Variants in KCNN3 observed in about 807,000 individuals in gnomAD.
KCNN3 encodes small conductance calcium-activated potassium channel protein 3.
Under a neutral mutation model 62.9 loss-of-function variants are expected in KCNN3, and 16 were observed. That is an observed-to-expected ratio of 0.25 (90% CI 0.17 to 0.39). The LOEUF is 0.39. Among genes scored for constraint, KCNN3 ranks in the 10% least tolerant of loss-of-function variants. The probability of loss-of-function intolerance (pLI) is 1.00; values close to 1 mark genes in which losing one functional copy is unlikely to be tolerated. For synonymous variants in KCNN3, 370 were observed against 389.2 expected (o/e 0.95, Z 0.58); for missense variants, 599 against 949.4 (o/e 0.63, Z 4.85).
chr1:154,860,398 C>T (rs1239177184), intron 1 of KCNN3, among the ~76,000 whole-genome samples: 3 of 152,106 alleles, frequency 2.0e-5, no homozygotes, highest in East Asian at 1.9e-4. Context: ...CCTGGCCCCA[C>T]GGGTTTATTT....
intron 3 of KCNN3, among the ~76,000 whole-genome samples, chr1:154,747,190 A>C (rs1700956070): frequency 6.6e-6 from 1 of 151,992 alleles, no homozygotes; most frequent in African/African-American, 2.4e-5. Flanking sequence ...AGCTCTCTCA[A>C]AACTGCCCTT....
At chr1:154,745,115 G>T (rs1409097340) in intron 3 of KCNN3, among the ~76,000 whole-genome samples, 1 of 152,158 alleles carries the variant, frequency 6.6e-6, no homozygotes, top group African/African-American at 2.4e-5. Flanking sequence ...TATTTTTCAA[G>T]AGTTGGCTTT....
chr1:154,714,230 G>GGGTGTGTAT (rs1700155197), intron 6 of KCNN3, among the ~76,000 whole-genome samples: 1 of 56,900 alleles, frequency 1.8e-5, no homozygotes, highest in African/African-American at 7.1e-5. Flanking sequence ...GGTGTGTGTG[G>GGGTGTGTAT]GGTGTGTGCG....
intron 2 of KCNN3, among the ~76,000 whole-genome samples, chr1:154,791,019 AGGAGTTCG>A (rs1356732248): frequency 6.6e-6 from 1 of 152,164 alleles, no homozygotes; most frequent in African/African-American, 2.4e-5. Flanking sequence ...ACCTGAGGTC[AGGAGTTCG>A]AGACCAGCCT....
intron 1 of KCNN3, among the ~76,000 whole-genome samples, chr1:154,863,748 C>T (rs913459411): frequency 2.0e-5 from 3 of 152,244 alleles, no homozygotes; most frequent in African/African-American, 7.2e-5. Context: ...CATCAGCCGC[C>T]TTTCTACTTA....
intron 1 of KCNN3, among the ~76,000 whole-genome samples, chr1:154,837,320 A>G (rs1387702664): frequency 1.3e-5 from 2 of 151,150 alleles, no homozygotes; most frequent in African/African-American, 4.9e-5. Flanking sequence ...TTTTTTTTGC[A>G]TTTTAGTAGA....
intron 3 of KCNN3, 110 bp downstream of exon 3, chr1:154,771,865 G>C (rs1366680519): frequency 1.9e-6 from 2 of 1,073,870 alleles, no homozygotes; most frequent in Non-Finnish European, 1.4e-6. Flanking sequence ...CAGGTGTCTG[G>C]GTACATGCCT....
chr1:154,839,134 A>G (rs1651721213), intron 1 of KCNN3, among the ~76,000 whole-genome samples: 2 of 152,194 alleles, frequency 1.3e-5, no homozygotes, highest in African/African-American at 4.8e-5. Flanking sequence ...CTGTGTAGCG[A>G]TGGCAAAGCA....
intron 5 of KCNN3, among the ~76,000 whole-genome samples, chr1:154,716,911 G>A (rs1480314268): frequency 6.6e-6 from 1 of 152,184 alleles, no homozygotes; most frequent in East Asian, 1.9e-4. Flanking sequence ...CCCTCCTCTT[G>A]CAGGGAGAGG....
intron 1 of KCNN3, among the ~76,000 whole-genome samples, chr1:154,849,010 C>A (rs576920557): frequency 2.0e-4 from 30 of 152,196 alleles, no homozygotes; most frequent in Non-Finnish European, 4.0e-4. Context: ...TTGGTACAGA[C>A]CTTTCCCCGA....
chr1:154,769,891 A>T (rs902609625), intron 3 of KCNN3, among the ~76,000 whole-genome samples: 1 of 152,216 alleles, frequency 6.6e-6, no homozygotes, highest in African/African-American at 2.4e-5. Flanking sequence ...ATTAACTTTC[A>T]CCATCATTGG....
At chr1:154,714,194 G>C in intron 6 of KCNN3, among the ~76,000 whole-genome samples, 1 of 106,308 alleles carries the variant, frequency 9.4e-6, no homozygotes, top group South Asian at 3.0e-4. Flanking sequence ...TGTGTGTGTG[G>C]TGTGTGTGTC....
At chr1:154,710,490 T>G (rs932949858) in intron 7 of KCNN3, among the ~76,000 whole-genome samples, 1 of 152,228 alleles carries the variant, frequency 6.6e-6, no homozygotes, top group Non-Finnish European at 1.5e-5. Flanking sequence ...TGCACACTCT[T>G]TCTTTCCAGG....
chr1:154,818,750 G>T (rs1650771966), intron 2 of KCNN3, among the ~76,000 whole-genome samples: 1 of 152,226 alleles, frequency 6.6e-6, no homozygotes, highest in African/African-American at 2.4e-5. Context: ...ATACATTTAT[G>T]TTCCTTATAA....
intron 1 of KCNN3, among the ~76,000 whole-genome samples, chr1:154,839,713 A>C (rs530593532): frequency 1.4e-4 from 22 of 152,152 alleles, no homozygotes; most frequent in Non-Finnish European, 2.6e-4. Flanking sequence ...AGAGCATCTG[A>C]GCCTTTCTAA....
intron 7 of KCNN3, among the ~76,000 whole-genome samples, chr1:154,708,949 G>A (rs1321224343): frequency 1.3e-5 from 2 of 152,096 alleles, no homozygotes; most frequent in African/African-American, 4.8e-5. Context: ...CTCAGGGTGG[G>A]ACATCCCTGA....
At chr1:154,812,402 TC>T (rs1650445633) in intron 2 of KCNN3, among the ~76,000 whole-genome samples, 1 of 151,670 alleles carries the variant, frequency 6.6e-6, no homozygotes, top group Non-Finnish European at 1.5e-5. Context: ...ACGCTATCCC[TC>T]CCCCATCCCC....
rs114749749 is a variant in KCNN3 at position 154,799,231 on chromosome 1, A to T, written c.1029+22858T>A. On this transcript the variant is annotated intron_variant, in intron 2 of 7. Coordinates refer to ENST00000271915, the MANE Select transcript of KCNN3 (RefSeq NM_002249.6). ...CATGCCTGGCCTAAAGCACACTTTA[A>T]ATAATGATTTATACTAACACAGTTC... Among the ~76,000 whole-genome samples, 867 of 152,292 alleles carry T rather than the reference A, an allele frequency of 5.7e-3. 9 individuals carry two copies. Among genetic ancestry groups the T allele is most frequent in the African/African-American group, 0.02 (826 of 41,562 alleles).
At chr1:154,774,845 G>C (rs1648723155) in intron 2 of KCNN3, among the ~76,000 whole-genome samples, 1 of 152,270 alleles carries the variant, frequency 6.6e-6, no homozygotes, top group Non-Finnish European at 1.5e-5. Context: ...CTCCTGGCTG[G>C]GAGAGCAGGC....
Sources: allele counts gnomAD v4.1 joint callset (sites outside exome capture counted in the v4.1 genomes callset), GRCh38; gene constraint gnomAD v4.1.1; transcripts MANE v1.5; gene names NCBI Gene and HGNC (gene_info 2026-07-23, HGNC 2026-07-21).